Variants in TBC1D4 observed in about 807,000 individuals in gnomAD.
The protein encoded by TBC1D4 is TBC1 domain family member 4, also known as TBC (Tre-2, BUB2, CDC16) domain-containing protein.
In TBC1D4, 121 loss-of-function variants were observed where a neutral mutation model predicts 142.5. The ratio of observed to expected loss-of-function variants is 0.85; its 90% CI spans 0.73 to 0.99. The LOEUF is 0.99. Ranked by LOEUF, TBC1D4 falls within the 50% of genes least tolerant of loss-of-function variation. The probability of loss-of-function intolerance (pLI) is 0.00; values close to 1 mark genes in which losing one functional copy is unlikely to be tolerated. For missense variants in TBC1D4, 1,475 were observed against 1,606.6 expected (o/e 0.92, Z 1.40); for synonymous variants, 630 against 628.2 (o/e 1.00, Z -0.04).
rs568289681 is a variant in TBC1D4, at chr13:75,332,989, G to A, written c.1731+3932C>T. ...AACATATTCTTATAATGCTACTAAGGTTAAACAGGTGGAAATAATGTTTTT... is the reference window on the plus strand; with the variant it reads ...AACATATTCTTATAATGCTACTAAGATTAAACAGGTGGAAATAATGTTTTT... On this transcript the variant is annotated intron_variant, in intron 8 of 20. Coordinates refer to ENST00000377636, the MANE Select transcript of TBC1D4 (RefSeq NM_014832.5). Among the ~76,000 whole-genome samples, 4 of 152,322 alleles carry A rather than the reference G, an allele frequency of 2.6e-5. No homozygotes were observed. In the East Asian group the frequency reaches 7.7e-4, roughly 29 times the overall value.
chr13:75,356,082 G>A, intron 4 of TBC1D4, 65 bp downstream of exon 4: 3 of 1,265,544 alleles, frequency 2.4e-6, no homozygotes, highest in South Asian at 2.5e-5. Flanking sequence ...GGGCTCCTAA[G>A]AGACAAGTCT....
rs1159160603 is a variant in TBC1D4, at chr13:75,482,114, C to CCGGCTCCAGCGCTG, written c.-361_-348dup. On this transcript the variant is annotated 5_prime_UTR_variant, in exon 1 of 21. Coordinates refer to ENST00000377636, the MANE Select transcript of TBC1D4 (RefSeq NM_014832.5). Reference sequence around the variant, plus strand: ...ACCACGCCGAGGGTCCCCGCGGCCGCCGGCTCCAGCGCTGCAGCCCCGCTG... The same window carrying CCGGCTCCAGCGCTG: ...ACCACGCCGAGGGTCCCCGCGGCCGCCGGCTCCAGCGCTGCGGCTCCAGCGCTGCAGCCCCGCTG... 2 of 224,690 alleles carry CCGGCTCCAGCGCTG rather than the reference C, an allele frequency of 8.9e-6. No homozygotes were observed. Among genetic ancestry groups the CCGGCTCCAGCGCTG allele is most frequent in the African/African-American group, 4.5e-5 (2 of 44,006 alleles). The allele number at this position is 224,690 out of a possible 1,614,324, so 13.9% of individuals were successfully genotyped here. A position where few individuals can be genotyped will look rare whatever the true frequency, so the allele number is the denominator to read the frequency against.
intron 8 of TBC1D4, among the ~76,000 whole-genome samples, chr13:75,331,217 G>A (rs1055557974): frequency 1.2e-4 from 18 of 152,216 alleles, no homozygotes; most frequent in African/African-American, 4.3e-4. Context: ...ATATTGGCTT[G>A]GCATGGTGGC....
At chr13:75,424,832 C>T (rs1886315882) in intron 1 of TBC1D4, among the ~76,000 whole-genome samples, 1 of 152,082 alleles carries the variant, frequency 6.6e-6, no homozygotes, top group South Asian at 2.1e-4. Context: ...AAAGTTAGAC[C>T]CTTATCTCGC....
intron 1 of TBC1D4, among the ~76,000 whole-genome samples, chr13:75,459,089 C>T (rs967283904): frequency 6.6e-6 from 1 of 152,208 alleles, no homozygotes; most frequent in African/African-American, 2.4e-5. Context: ...CGTTGGCACA[C>T]CTGCTTCCGC....
At chr13:75,389,649 A>G (rs1884363473) in intron 1 of TBC1D4, among the ~76,000 whole-genome samples, 1 of 152,198 alleles carries the variant, frequency 6.6e-6, no homozygotes, top group African/African-American at 2.4e-5. Flanking sequence ...TAATATTTTG[A>G]CCAATTAAAT....
At chr13:75,434,672 T>C (rs1886725539) in intron 1 of TBC1D4, among the ~76,000 whole-genome samples, 1 of 151,628 alleles carries the variant, frequency 6.6e-6, no homozygotes, top group African/African-American at 2.4e-5. Flanking sequence ...ATAAAAAGCT[T>C]CAGATAACTA....
intron 1 of TBC1D4, among the ~76,000 whole-genome samples, chr13:75,405,675 T>A (rs1885305587): frequency 1.3e-5 from 2 of 152,200 alleles, no homozygotes; most frequent in African/African-American, 4.8e-5. Context: ...CTTTTTATAT[T>A]TTTCTATTGC....
At chr13:75,390,546 T>C (rs538587551) in intron 1 of TBC1D4, among the ~76,000 whole-genome samples, 6 of 152,224 alleles carry the variant, frequency 3.9e-5, no homozygotes, top group Admixed American at 1.3e-4. Context: ...AGATTCCCAT[T>C]CTCATTTAGT....
intron 3 of TBC1D4, among the ~76,000 whole-genome samples, chr13:75,359,139 TC>T (rs1882298197): frequency 6.6e-6 from 1 of 152,130 alleles, no homozygotes; most frequent in South Asian, 2.1e-4. Context: ...TTTTTTAACC[TC>T]CCTACATTTA....
At chr13:75,345,994 A>G (rs1320931849) in intron 5 of TBC1D4, among the ~76,000 whole-genome samples, 1 of 152,178 alleles carries the variant, frequency 6.6e-6, no homozygotes, top group East Asian at 1.9e-4. Flanking sequence ...CTTTACTCCT[A>G]TGTTTTTAAC....
chr13:75,298,376 G>A (rs1876169121), intron 17 of TBC1D4, among the ~76,000 whole-genome samples: 1 of 152,234 alleles, frequency 6.6e-6, no homozygotes, highest in African/African-American at 2.4e-5. Flanking sequence ...CAAACAGGGA[G>A]TCTGAGGTAG....
At chr13:75,426,985 G>C (rs1370448970) in intron 1 of TBC1D4, among the ~76,000 whole-genome samples, 2 of 152,076 alleles carry the variant, frequency 1.3e-5, no homozygotes, top group Non-Finnish European at 2.9e-5. Context: ...AGAGTTCAAG[G>C]CTGCAGTCAG....
intron 1 of TBC1D4, among the ~76,000 whole-genome samples, chr13:75,381,972 A>C (rs1297064703): frequency 6.6e-6 from 1 of 152,230 alleles, no homozygotes; most frequent in Non-Finnish European, 1.5e-5. Context: ...TAATATTTGT[A>C]ACAGCACAGA....
intron 7 of TBC1D4, 39 bp from the exon 8 acceptor site, chr13:75,337,079 A>G (rs764484526): frequency 1.3e-6 from 2 of 1,587,270 alleles, no homozygotes; most frequent in East Asian, 2.2e-5. Context: ...GTTTGGAAAT[A>G]CTCAAGGTTA....
At chr13:75,474,416 A>G (rs1278489005) in intron 1 of TBC1D4, among the ~76,000 whole-genome samples, 7 of 152,074 alleles carry the variant, frequency 4.6e-5, no homozygotes, top group Admixed American at 6.5e-5. Context: ...AAAATTAGCC[A>G]GGCGTGGTGG....
At chr13:75,466,375 G>A (rs1205922331) in intron 1 of TBC1D4, among the ~76,000 whole-genome samples, 2 of 152,056 alleles carry the variant, frequency 1.3e-5, no homozygotes, top group Non-Finnish European at 2.9e-5. Context: ...TGAACATTTT[G>A]TTCATTGACA....
intron 14 of TBC1D4, among the ~76,000 whole-genome samples, chr13:75,308,124 G>T (rs571460751): frequency 1.6e-4 from 25 of 152,274 alleles, no homozygotes; most frequent in African/African-American, 6.0e-4. Flanking sequence ...AAAGACTAAA[G>T]AACTATCAAG....
intron 8 of TBC1D4, among the ~76,000 whole-genome samples, chr13:75,333,114 G>A (rs1188739400): frequency 2.0e-5 from 3 of 152,184 alleles, no homozygotes; most frequent in African/African-American, 7.2e-5. Flanking sequence ...TAAAGGCACT[G>A]AGAGATCACT....
Sources: allele counts gnomAD v4.1 joint callset (sites outside exome capture counted in the v4.1 genomes callset), GRCh38; gene constraint gnomAD v4.1.1; transcripts MANE v1.5; gene names NCBI Gene and HGNC (gene_info 2026-07-23, HGNC 2026-07-21).